The following LRRC37A2 variants were observed in gnomAD, a reference collection of about 807,000 sequenced individuals.
The protein encoded by LRRC37A2 is leucine-rich repeat-containing protein 37A2.
Under a neutral mutation model 68.8 loss-of-function variants are expected in LRRC37A2, and 9 were observed. The observed-to-expected ratio is 0.13, with a 90% confidence interval of 0.08 to 0.23. The LOEUF is 0.23. LRRC37A2 is among the 10% of genes least tolerant of loss of function. The pLI, the probability that LRRC37A2 is intolerant of heterozygous loss-of-function variation, is 1.00. For synonymous variants in LRRC37A2, 63 were observed against 367.6 expected (o/e 0.17, Z 9.48); for missense variants, 168 against 950.4 (o/e 0.18, Z 10.82).
At chr17:46,902,461 C>CATGT in the LRRC37A2 span, among the ~76,000 whole-genome samples, 80 of 148,110 alleles carry the variant, frequency 5.4e-4, no homozygotes, top group African/African-American at 2.0e-3. Flanking sequence ...GGGAACAGTG[C>CATGT]GTGTGTGTGT....
chr17:46,429,166 C>T, the LRRC37A2 span, among the ~76,000 whole-genome samples: 1 of 151,552 alleles, frequency 6.6e-6, no homozygotes, highest in Non-Finnish European at 1.5e-5. Flanking sequence ...TTGAGTTTTC[C>T]CCTTGTCTGA....
the LRRC37A2 span, among the ~76,000 whole-genome samples, chr17:46,816,813 C>G: frequency 6.6e-6 from 1 of 152,200 alleles, no homozygotes; most frequent in East Asian, 1.9e-4. Flanking sequence ...CCCCAACCCA[C>G]CAGAGTCTCT....
At chr17:46,875,002 C>T in the LRRC37A2 span, 85 of 1,586,770 alleles carry the variant, frequency 5.4e-5, no homozygotes, top group Admixed American at 2.2e-4. Flanking sequence ...CTGCCACCAC[C>T]GCCTCTGGCC....
chr17:46,753,923 C>T, the LRRC37A2 span, among the ~76,000 whole-genome samples: 6 of 152,186 alleles, frequency 3.9e-5, no homozygotes, highest in Non-Finnish European at 7.3e-5. Context: ...CCTCTCTGTT[C>T]ACTACATGCT....
chr17:46,784,978 T>C, the LRRC37A2 span, among the ~76,000 whole-genome samples: 780 of 152,134 alleles, frequency 5.1e-3, 5 homozygotes, highest in Middle Eastern at 0.02. Flanking sequence ...GGGGTTTCAC[T>C]GTGTTAGCCA....
chr17:46,963,565 CAGATGATATAGTT>C, the LRRC37A2 span: 1 of 150,422 alleles, frequency 6.6e-6, no homozygotes, highest in Middle Eastern at 3.4e-3. Context: ...AAAAAATAGG[CAGATGATATAGTT>C]GGAGATTTTA....
chr17:47,040,174 G>C, the LRRC37A2 span, among the ~76,000 whole-genome samples: 2,797 of 150,590 alleles, frequency 0.019, 71 homozygotes, highest in Middle Eastern at 0.075. Context: ...CAGGCATGGT[G>C]GCTCATGCCT....
the LRRC37A2 span, chr17:46,941,873 A>C: frequency 1.0e-6 from 1 of 962,378 alleles, no homozygotes; most frequent in Non-Finnish European, 1.2e-6. Flanking sequence ...GGTGTTAGCC[A>C]CTGTACCTGG....
chr17:46,731,463 A>G, the LRRC37A2 span, among the ~76,000 whole-genome samples: 4 of 152,246 alleles, frequency 2.6e-5, no homozygotes, highest in South Asian at 4.1e-4. Context: ...ACTGAATTGT[A>G]CACTTTAAAT....
chr17:46,928,137 C>T, the LRRC37A2 span, among the ~76,000 whole-genome samples: 1 of 152,090 alleles, frequency 6.6e-6, no homozygotes, highest in Admixed American at 6.6e-5. Flanking sequence ...GGCCTGGTCT[C>T]GGACTCTAGC....
At chr17:47,034,873 T>C in the LRRC37A2 span, among the ~76,000 whole-genome samples, 1 of 152,168 alleles carries the variant, frequency 6.6e-6, no homozygotes, top group Non-Finnish European at 1.5e-5. Context: ...TGAGAATCCA[T>C]ACTTAACCAG....
the LRRC37A2 span, among the ~76,000 whole-genome samples, chr17:46,771,582 C>T: frequency 2.0e-5 from 3 of 148,120 alleles, no homozygotes; most frequent in African/African-American, 7.3e-5. Context: ...CCCGCTGGGC[C>T]GCTCAATCCG....
chr17:46,868,918 G>A, the LRRC37A2 span, among the ~76,000 whole-genome samples: 8 of 152,160 alleles, frequency 5.3e-5, no homozygotes, highest in African/African-American at 1.4e-4. Flanking sequence ...AGCATGTGTC[G>A]GATAATTCAC....
At chr17:46,958,303 T>G in the LRRC37A2 span, among the ~76,000 whole-genome samples, 7 of 152,226 alleles carry the variant, frequency 4.6e-5, no homozygotes, top group African/African-American at 1.7e-4. Context: ...TGGGACACAT[T>G]TGCACAATAA....
chr17:47,001,509 CAT>C, the LRRC37A2 span, among the ~76,000 whole-genome samples: 1 of 152,026 alleles, frequency 6.6e-6, no homozygotes, highest in Admixed American at 6.6e-5. Flanking sequence ...GAGGTATTGA[CAT>C]ATAATAAACT....
At chr17:46,820,236 C>A in the LRRC37A2 span, among the ~76,000 whole-genome samples, 2 of 152,202 alleles carry the variant, frequency 1.3e-5, no homozygotes, top group East Asian at 1.9e-4. Flanking sequence ...GGGGAAATGG[C>A]CTCGGGGGCA....
At chr17:46,404,666 G>A in the LRRC37A2 span, among the ~76,000 whole-genome samples, 20 of 106,084 alleles carry the variant, frequency 1.9e-4, 4 homozygotes, top group Admixed American at 2.8e-4. Context: ...TCAGGAGATC[G>A]AGACCATCCT....
the LRRC37A2 span, chr17:46,749,835 G>C: frequency 6.2e-7 from 1 of 1,614,162 alleles, no homozygotes. Context: ...AGATGGAAAT[G>C]CTTAACGCTT....
the LRRC37A2 span, chr17:46,938,818 T>A: frequency 1.2e-6 from 2 of 1,610,798 alleles, no homozygotes; most frequent in Non-Finnish European, 1.7e-6. Flanking sequence ...TGTGTGTGTG[T>A]GAAAGAGAGA....
Sources: allele counts gnomAD v4.1 joint callset (sites outside exome capture counted in the v4.1 genomes callset), GRCh38; gene constraint gnomAD v4.1.1; transcripts MANE v1.5; gene names NCBI Gene and HGNC (gene_info 2026-07-23, HGNC 2026-07-21).